The following HIVEP1 variants were observed in gnomAD, a reference collection of about 807,000 sequenced individuals.
HIVEP1 encodes zinc finger protein 40.
Under a neutral mutation model 180.0 loss-of-function variants are expected in HIVEP1, and 36 were observed. That is an observed-to-expected ratio of 0.20 (90% confidence interval 0.15 to 0.26). The LOEUF (loss-of-function observed/expected upper bound fraction) is 0.26, where lower values mean the gene tolerates loss of function less well. HIVEP1 is among the 10% of genes least tolerant of loss of function. The pLI, the probability that HIVEP1 is intolerant of heterozygous loss-of-function variation, is 1.00. For missense variants in HIVEP1, 3,143 were observed against 3,268.7 expected, an observed-to-expected ratio of 0.96 and a Z score of 0.94; for synonymous variants, 1,239 against 1,239.0, an observed-to-expected ratio of 1.00 and a Z score of 0.00.
At chr6:12,159,201 T>C (rs755720201) in intron 7 of HIVEP1, among the ~76,000 whole-genome samples, 1 of 151,994 alleles carries the variant, frequency 6.6e-6, no homozygotes, top group African/African-American at 2.4e-5. Context: ...CGTGTGTGTG[T>C]GTGTGTGCGC....
intron 2 of HIVEP1, among the ~76,000 whole-genome samples, chr6:12,021,447 C>CT (rs1172978083): frequency 6.6e-6 from 1 of 152,170 alleles, no homozygotes; most frequent in African/African-American, 2.4e-5. Flanking sequence ...GATTTCACCT[C>CT]TGAGTTTTTT....
the HIVEP1 span, among the ~76,000 whole-genome samples, chr6:12,208,843 G>A: frequency 6.6e-6 from 1 of 152,142 alleles, no homozygotes; most frequent in African/African-American, 2.4e-5. Flanking sequence ...ATAAACTTCT[G>A]TGGCCTAAGG....
At chr6:12,170,500 G>A in the HIVEP1 span, among the ~76,000 whole-genome samples, 1 of 152,158 alleles carries the variant, frequency 6.6e-6, no homozygotes, top group South Asian at 2.1e-4. Flanking sequence ...TAGGTGGAGA[G>A]GCTGCAACTC....
intron 2 of HIVEP1, among the ~76,000 whole-genome samples, chr6:12,036,268 A>G (rs1023878210): frequency 6.6e-6 from 1 of 152,256 alleles, no homozygotes; most frequent in East Asian, 1.9e-4. Flanking sequence ...AATGCCCTTC[A>G]GTGCAGACTA....
chr6:12,080,433 A>G (rs189238773), intron 2 of HIVEP1, among the ~76,000 whole-genome samples: 4 of 152,318 alleles, frequency 2.6e-5, no homozygotes, highest in Admixed American at 2.0e-4. Flanking sequence ...AAGGCTGCCA[A>G]ATGAAACCAG....
chr6:12,154,968 T>A (rs1317775803), intron 7 of HIVEP1, among the ~76,000 whole-genome samples: 1 of 152,238 alleles, frequency 6.6e-6, no homozygotes, highest in Non-Finnish European at 1.5e-5. Context: ...ATTTTTCTTT[T>A]TTCAATGTCA....
At chr6:12,086,055 C>T (rs1773095774) in intron 2 of HIVEP1, among the ~76,000 whole-genome samples, 1 of 152,000 alleles carries the variant, frequency 6.6e-6, no homozygotes, top group Non-Finnish European at 1.5e-5. Context: ...TTCTTATAGC[C>T]TTTATCATTA....
intron 3 of HIVEP1, among the ~76,000 whole-genome samples, chr6:12,094,652 G>T (rs970247449): frequency 1.3e-5 from 2 of 151,988 alleles, no homozygotes; most frequent in Non-Finnish European, 2.9e-5. Context: ...ATTTGGTCAT[G>T]ATGTTTAATC....
intron 2 of HIVEP1, among the ~76,000 whole-genome samples, chr6:12,059,913 G>A (rs1328581821): frequency 6.6e-6 from 1 of 152,004 alleles, no homozygotes; most frequent in African/African-American, 2.4e-5. Flanking sequence ...CCTTTTCATT[G>A]GACAACTAAA....
intron 2 of HIVEP1, among the ~76,000 whole-genome samples, chr6:12,055,133 A>G (rs1161515029): frequency 6.6e-6 from 1 of 152,264 alleles, no homozygotes. Context: ...AAGTTATAGT[A>G]TGTTTTTAGA....
At chr6:12,192,182 A>G in the HIVEP1 span, among the ~76,000 whole-genome samples, 11 of 152,342 alleles carry the variant, frequency 7.2e-5, no homozygotes, top group South Asian at 2.3e-3. Flanking sequence ...CTACCCATAT[A>G]GAACCATTAT....
intron 2 of HIVEP1, among the ~76,000 whole-genome samples, chr6:12,072,820 A>G (rs1001369871): frequency 2.0e-5 from 3 of 152,036 alleles, no homozygotes; most frequent in Non-Finnish European, 4.4e-5. Flanking sequence ...GAGTTTCTAT[A>G]TCTCTTCTGA....
In HIVEP1 at chr6:12,125,815, A is replaced by G. The variant is rs765319377; in HGVS notation, c.6020A>G (p.His2007Arg). Residue 2007 changes from histidine to arginine, a missense_variant, in exon 4 of 9, where the codon CAT becomes CGT. Transcript: ENST00000379388. Reference protein sequence around the residue: ...KSLYCQAITTHSKSDLLVYSS... With the variant: ...KSLYCQAITTRSKSDLLVYSS... Reference sequence around the variant, plus strand: ...CTATACTGTCAAGCAATAACTACCCATTCCAAGTCAGACTTATTGGTCTAT... The same window carrying G: ...CTATACTGTCAAGCAATAACTACCCGTTCCAAGTCAGACTTATTGGTCTAT... 3 of 1,613,554 alleles carry G rather than the reference A, an allele frequency of 1.9e-6. No individual in the cohort carries two copies. Among genetic ancestry groups the G allele is most frequent in the Non-Finnish European group, 2.5e-6 (3 of 1,179,776 alleles).
chr6:12,106,086 A>G (rs1202221201), intron 3 of HIVEP1, among the ~76,000 whole-genome samples: 1 of 151,830 alleles, frequency 6.6e-6, no homozygotes, highest in African/African-American at 2.4e-5. Flanking sequence ...ACACACACAT[A>G]TATACATATA....
At chr6:12,055,257 G>A (rs529139209) in intron 2 of HIVEP1, among the ~76,000 whole-genome samples, 6 of 152,238 alleles carry the variant, frequency 3.9e-5, no homozygotes, top group East Asian at 3.9e-4. Flanking sequence ...GACGAATCAC[G>A]AGGTCAGGAG....
At position 12,161,900 on chromosome 6, in the gene HIVEP1, A is replaced by G. The variant is rs374077121; in HGVS notation, c.6949A>G (p.Met2317Val). The G allele has an allele frequency of 6.2e-7, 1 of 1,612,514 alleles. No individual in the cohort carries two copies. Among genetic ancestry groups the G allele is most frequent in the South Asian group, 1.1e-5 (1 of 91,044 alleles). Residue 2317 changes from methionine to valine, a missense_variant, in exon 8 of 9, where the codon ATG becomes GTG. Physicochemically the swap from Met to Val is conservative, Grantham distance 21. Around this residue, in one of 12 missense-constraint regions of HIVEP1, gnomAD observed 595 missense variants for 602.2 expected, o/e 0.99. Coordinates refer to ENST00000379388, the MANE Select transcript of HIVEP1 (RefSeq NM_002114.4). The part of the protein sequence containing the change: ...PESEEILRSS[M>V]AGKAVAITQS... ...GTCAGAAGAAATTCTGAGAAGTTCT[A>G]TGGCAGGAAAAGCTGTTGCTATAAC...
At chr6:12,152,071 G>C (rs1167574097) in intron 7 of HIVEP1, among the ~76,000 whole-genome samples, 1 of 152,062 alleles carries the variant, frequency 6.6e-6, no homozygotes, top group East Asian at 1.9e-4. Context: ...CAGGAGAATC[G>C]CTTGAACCTG....
the HIVEP1 span, among the ~76,000 whole-genome samples, chr6:12,183,974 A>AAGATAGATAGATAGATAGATAGAT: frequency 6.7e-5 from 9 of 134,874 alleles, no homozygotes; most frequent in South Asian, 7.5e-4. Context: ...TCACATTGTA[A>AAGATAGATAGATAGATAGATAGAT]AGATAGATAG....
intron 7 of HIVEP1, among the ~76,000 whole-genome samples, chr6:12,139,118 T>C (rs931159156): frequency 6.6e-6 from 1 of 151,958 alleles, no homozygotes; most frequent in African/African-American, 2.4e-5. Context: ...GTAACAATTG[T>C]GTCATTCCTT....
Sources: allele counts gnomAD v4.1 joint callset (sites outside exome capture counted in the v4.1 genomes callset), GRCh38; gene constraint gnomAD v4.1.1; regional missense constraint gnomAD v4.1.1; transcripts MANE v1.5; gene names NCBI Gene and HGNC (gene_info 2026-07-23, HGNC 2026-07-21).